Variants in ZRANB2 observed in about 807,000 individuals in gnomAD.
ZRANB2 encodes the protein zinc finger RANBP2-type containing 2, also known as zinc finger Ran-binding domain-containing protein 2.
Under a neutral mutation model 53.4 loss-of-function variants are expected in ZRANB2, and 19 were observed. That is an observed-to-expected ratio of 0.36 (90% CI 0.25 to 0.52). ZRANB2 has a LOEUF of 0.52. ZRANB2 is among the 20% of genes least tolerant of loss of function. ZRANB2 has a pLI of 0.93. For synonymous variants in ZRANB2, 145 were observed against 134.8 expected (o/e 1.08, Z -0.52); for missense variants, 309 against 401.1 (o/e 0.77, Z 1.96).
In ZRANB2 at chr1:71,069,285, G is replaced by T; in HGVS notation, c.761C>A (p.Ser254Ter). The T allele has an allele frequency of 1.2e-6, 2 of 1,609,820 alleles. No homozygotes were observed. The highest frequency in any genetic ancestry group is 2.2e-5 in the South Asian group (2 of 90,620). Residue 254 changes from serine (S) to a stop codon, truncating the protein, a stop_gained, in exon 8 of 10, where the codon TCG becomes TAG. Transcript: ENST00000370920. LOFTEE classifies it high-confidence loss of function. ...ATGCTACCTCATTCACCTTGATTTC[G>T]ACCCACGAGATCTCGAACGTTCTCT... ...SSRERSRSRG[S>*]KSRSSSRSHR...
rs574331789 is a variant in ZRANB2 at position 71,065,670 on chromosome 1, A to G, written c.930-533T>C. On this transcript the variant is annotated intron_variant, in intron 9 of 9. Coordinates refer to ENST00000370920, the MANE Select transcript of ZRANB2 (RefSeq NM_203350.3). ...TCATGCAGCTAGTATGAATAAGTCAATATCAACCTGGGTAAAGTAGTGGTG... is the reference window on the plus strand; with the variant it reads ...TCATGCAGCTAGTATGAATAAGTCAGTATCAACCTGGGTAAAGTAGTGGTG... The G allele has an allele frequency of 3.7e-5, 60 of 1,608,612 alleles. 1 individual carries two copies. Among genetic ancestry groups the G allele is most frequent in the South Asian group, 1.8e-4 (16 of 90,326 alleles).
rs921358928 is a variant in ZRANB2 at position 71,071,343 on chromosome 1, T to C, written c.514-347A>G. On this transcript the variant is annotated intron_variant, in intron 6 of 9. Transcript: ENST00000370920. ...TTCTCTAGCATATTATAGTAACCTC[T>C]TAGCTGGTCTCCTCAAATCTGAAGA... 2.0e-5 allele frequency among the ~76,000 whole-genome samples: 3 copies of C among 152,172 alleles called. No individual in the cohort carries two copies. In the East Asian group the frequency reaches 5.8e-4, roughly 29 times the overall value.
chr1:71,080,650 G>A (rs866855085), intron 1 of ZRANB2, among the ~76,000 whole-genome samples: 36 of 147,550 alleles, frequency 2.4e-4, no homozygotes, highest in Non-Finnish European at 4.0e-4. Context: ...TGGCCGGGGC[G>A]GGGGAGGGGG....
intron 4 of ZRANB2, 52 bp downstream of exon 4, chr1:71,076,743 A>T (rs1217530706): frequency 6.8e-6 from 9 of 1,333,236 alleles, no homozygotes; most frequent in Non-Finnish European, 8.6e-6. Flanking sequence ...TATCGTTTCA[A>T]TATTTAGTGC....
At chr1:71,079,517 G>C (rs1203652373) in intron 1 of ZRANB2, among the ~76,000 whole-genome samples, 1 of 152,130 alleles carries the variant, frequency 6.6e-6, no homozygotes, top group Non-Finnish European at 1.5e-5. Context: ...TGTGAAGTAT[G>C]GGATGACACT....
rs941703433 is a variant in ZRANB2 at position 71,066,695 on chromosome 1, C to G, written c.929+81G>C. The G allele has an allele frequency of 3.5e-6, 5 of 1,447,626 alleles. No homozygotes were observed. In the African/African-American group the frequency reaches 5.8e-5, roughly 17 times the overall value. 89.7% of individuals were successfully genotyped at this position (1,447,626 alleles called of 1,614,324 possible). A position where few individuals can be genotyped will look rare whatever the true frequency, so the allele number is the denominator to read the frequency against. On this transcript the variant is annotated intron_variant, in intron 9 of 9. Transcript: ENST00000370920. Reference sequence around the variant, plus strand: ...TCGGAACACAAGAGATAATAAAAATCTAACCCTTGACTAGGAAAGTTTACT... The same window carrying G: ...TCGGAACACAAGAGATAATAAAAATGTAACCCTTGACTAGGAAAGTTTACT...
intron 4 of ZRANB2, among the ~76,000 whole-genome samples, chr1:71,073,891 A>T (rs1293402470): frequency 6.6e-6 from 1 of 152,124 alleles, no homozygotes. Flanking sequence ...TAAATGGAAA[A>T]TACACTAGCT....
intron 2 of ZRANB2, 21 bp downstream of exon 2, chr1:71,078,635 G>C (rs542170279): frequency 1.2e-6 from 2 of 1,610,760 alleles, no homozygotes; most frequent in Admixed American, 1.7e-5. Flanking sequence ...AGTATAAATA[G>C]AATCTTCTTT....
chr1:71,075,690 G>A (rs1484565076), intron 4 of ZRANB2, among the ~76,000 whole-genome samples: 1 of 151,902 alleles, frequency 6.6e-6, no homozygotes, highest in Non-Finnish European at 1.5e-5. Flanking sequence ...TGGTGGGGGC[G>A]GTGAAGGAGG....
intron 1 of ZRANB2, 40 bp downstream of exon 1, chr1:71,080,900 A>G (rs1661832003): frequency 6.2e-7 from 1 of 1,611,394 alleles, no homozygotes; most frequent in Admixed American, 1.7e-5. Flanking sequence ...AGCTTCCACT[A>G]ACAAACTCCG....
At chr1:71,075,674 G>C (rs1020477749) in intron 4 of ZRANB2, among the ~76,000 whole-genome samples, 3 of 151,964 alleles carry the variant, frequency 2.0e-5, no homozygotes, top group Non-Finnish European at 4.4e-5. Flanking sequence ...TCAATCAAAC[G>C]GGGGTTGGTG....
chr1:71,066,178 A>G (rs1014696672), intron 9 of ZRANB2: 1 of 160,284 alleles, frequency 6.2e-6, no homozygotes, highest in Non-Finnish European at 1.4e-5. Context: ...AGGCTGACAG[A>G]TGACAGTTGC....
Position 71,068,225 on chromosome 1 carries a change from C to T in ZRANB2, c.770+1051G>A, listed in dbSNP as rs1354714260. Among the ~76,000 whole-genome samples the T allele has an allele frequency of 2.6e-5, 4 of 152,118 alleles. No individual in the cohort carries two copies. In the East Asian group the frequency reaches 5.8e-4, roughly 22 times the overall value. On this transcript the variant is annotated intron_variant, in intron 8 of 9. Transcript: ENST00000370920. The stretch of plus-strand genomic sequence containing the variant: ...GTGCACAACATTCTTTTCTCCTTAA[C>T]ATGATTATACTGTGGCAGCCCTTTA...
chr1:71,066,391 T>G (rs1661437765), intron 9 of ZRANB2: 2 of 160,150 alleles, frequency 1.2e-5, no homozygotes, highest in Admixed American at 1.3e-4. Context: ...TGAAAGTTAA[T>G]TTTTTATTAG....
chr1:71,070,845 C>T lies in ZRANB2; in HGVS notation c.665G>A (p.Ser222Asn). The change falls in exon 7 of 10, where the codon AGT (serine) becomes AAT (asparagine). Residue 222 changes from serine to asparagine, a missense_variant. Around this residue, in one of 3 missense-constraint regions of ZRANB2, gnomAD observed 211 missense variants for 196.1 expected, o/e 1.08. Coordinates refer to ENST00000370920, the MANE Select transcript of ZRANB2 (RefSeq NM_203350.3). Reference protein sequence around the residue: ...RSSSRSSSPSSSRSRSRSRSR... With the variant: ...RSSSRSSSPSNSRSRSRSRSR... The stretch of plus-strand genomic sequence containing the variant: ...CGTTTACCTGGACCTAGACCTTGAA[C>T]TTGAGGGGGAGGATGAGCGTGATGA... 6.3e-7 allele frequency: 1 copy of T among 1,597,810 alleles called. No individual in the cohort carries two copies. The highest frequency in any genetic ancestry group is 8.5e-7 in the Non-Finnish European group (1 of 1,171,498).
chr1:71,067,681 A>T, intron 8 of ZRANB2: 1 of 437,468 alleles, frequency 2.3e-6, no homozygotes, highest in Non-Finnish European at 4.6e-6. Flanking sequence ...AAAACCAGAA[A>T]GCCCAAAAGG....
Position 71,070,786 on chromosome 1 carries a change from G to A in ZRANB2, c.683+41C>T, listed in dbSNP as rs1557791740. On this transcript the variant is annotated intron_variant, in intron 7 of 9. Coordinates refer to ENST00000370920, the MANE Select transcript of ZRANB2 (RefSeq NM_203350.3). ...TTTATAAATAAAAAAGTTAGATACTGACATTTTGACTGGTGTTACCCTTGA... is the reference window on the plus strand; with the variant it reads ...TTTATAAATAAAAAAGTTAGATACTAACATTTTGACTGGTGTTACCCTTGA... The A allele has an allele frequency of 3.3e-6, 4 of 1,197,504 alleles. No individual in the cohort carries two copies. The Admixed American group carries it at 8.2e-5, about 25-fold the overall frequency. 74.2% of individuals were successfully genotyped at this position (1,197,504 alleles called of 1,614,324 possible). A position where few individuals can be genotyped will look rare whatever the true frequency, so the allele number is the denominator to read the frequency against.
intron 4 of ZRANB2, among the ~76,000 whole-genome samples, chr1:71,076,016 C>T (rs1335681010): frequency 6.6e-6 from 1 of 151,880 alleles, no homozygotes; most frequent in African/African-American, 2.4e-5. Context: ...ATGAAAACGG[C>T]CTAAAGTTAG....
chr1:71,080,914 C>T, intron 1 of ZRANB2, 26 bp downstream of exon 1: 1 of 1,613,674 alleles, frequency 6.2e-7, no homozygotes, highest in South Asian at 1.1e-5. Flanking sequence ...AACTCCGTCC[C>T]AATTCAGGAC....
Sources: gnomAD v4.1 joint callset for allele counts (sites outside exome capture counted in the v4.1 genomes callset) on GRCh38, gnomAD v4.1.1 for gene constraint, gnomAD v4.1.1 regional missense constraint, MANE v1.5 for transcripts, NCBI Gene and HGNC (gene_info 2026-07-23, HGNC 2026-07-21) for gene names.